Variants in COL9A1 observed in about 807,000 individuals in gnomAD.
The protein encoded by COL9A1 is collagen alpha-1(IX) chain.
Under a neutral mutation model 142.6 loss-of-function variants are expected in COL9A1, and 104 were observed. The observed-to-expected ratio is 0.73, with a 90% CI of 0.62 to 0.86. The LOEUF (loss-of-function observed/expected upper bound fraction) is 0.86, where lower values mean the gene tolerates loss of function less well. COL9A1 is among the 40% of genes least tolerant of loss of function. COL9A1 has a pLI of 0.00. For missense variants in COL9A1, 1,210 were observed against 1,176.6 expected (o/e 1.03, Z -0.42); for synonymous variants, 466 against 396.0 (o/e 1.18, Z -2.10).
intron 37 of COL9A1, among the ~76,000 whole-genome samples, chr6:70,222,592 C>A (rs1339695051): frequency 2.0e-5 from 3 of 152,158 alleles, no homozygotes; most frequent in African/African-American, 7.2e-5. Flanking sequence ...ACTGAACAAA[C>A]AGAGATACAG....
chr6:70,280,613 G>A (rs991293974), intron 10 of COL9A1, 199 bp downstream of exon 10: 2 of 1,293,070 alleles, frequency 1.5e-6, no homozygotes, highest in African/African-American at 1.5e-5. Context: ...CTAGAGAGAG[G>A]TATCCTCACC....
In COL9A1 at chr6:70,294,335, A is replaced by C. The variant is rs1273671588; in HGVS notation, c.528T>G (p.Phe176Leu). Residue 176 changes from phenylalanine (F) to leucine (L), a missense_variant, in exon 5 of 38, where the codon TTT becomes TTG. Transcript: ENST00000357250. ...TAAFSNLSSL[F>L]DSQWHKIMIG... is the part of the protein sequence containing the mutation. ...TCATGATCTTATGCCACTGGGAATC[A>C]AACAAGGAGGACAAATTCGAAAAGG... 1 of 1,614,080 alleles carries C rather than the reference A, an allele frequency of 6.2e-7. No homozygotes were observed.
chr6:70,265,500 CTT>C (rs57504613), intron 18 of COL9A1, among the ~76,000 whole-genome samples: 2,764 of 136,474 alleles, frequency 0.02, 78 homozygotes, highest in African/African-American at 0.068. Flanking sequence ...TGTGCTTGTA[CTT>C]TTTTTTTTTT....
rs754173530 is a variant in COL9A1, at chr6:70,274,073, C to G, written c.1039G>C (p.Gly347Arg). Residue 347 changes from glycine to arginine, a missense_variant, in exon 12 of 38, where the codon GGT (glycine) becomes CGT (arginine). Transcript: ENST00000357250. ...GGAAATCCACGCGATCCAGGCACAC[C>G]AGGTTCTCCCTAAAAATAAAAATAG... ...IGSKGQKGEP[G>R]VPGSRGFPGR... is the part of the protein sequence containing the mutation. The G allele has an allele frequency of 6.3e-6, 10 of 1,586,520 alleles. No homozygotes were observed. Among genetic ancestry groups the G allele is most frequent in the Non-Finnish European group, 8.6e-6 (10 of 1,164,700 alleles).
chr6:70,240,114 T>A (rs549320890), intron 32 of COL9A1, among the ~76,000 whole-genome samples: 21 of 152,186 alleles, frequency 1.4e-4, no homozygotes, highest in Non-Finnish European at 2.4e-4. Context: ...AAAACCATAA[T>A]GATGAGCCTG....
chr6:70,272,600 A>T (rs1772480044), intron 12 of COL9A1, among the ~76,000 whole-genome samples: 1 of 152,180 alleles, frequency 6.6e-6, no homozygotes, highest in Non-Finnish European at 1.5e-5. Flanking sequence ...ATATTTTCAG[A>T]CACTGAATCC....
At chr6:70,261,546 T>A (rs188480763) in intron 19 of COL9A1, among the ~76,000 whole-genome samples, 117 of 152,312 alleles carry the variant, frequency 7.7e-4, no homozygotes, top group Non-Finnish European at 1.5e-3. Flanking sequence ...TAGGCCAGCA[T>A]TTCCCTCTTC....
At chr6:70,272,568 C>T (rs1285352955) in intron 12 of COL9A1, among the ~76,000 whole-genome samples, 3 of 152,102 alleles carry the variant, frequency 2.0e-5, no homozygotes, top group Non-Finnish European at 2.9e-5. Flanking sequence ...AGAAACACAC[C>T]TCCCTTTTGA....
chr6:70,266,868 A>G, intron 17 of COL9A1, 98 bp from the exon 18 acceptor site: 2 of 962,788 alleles, frequency 2.1e-6, no homozygotes, highest in Non-Finnish European at 3.4e-6. Flanking sequence ...GTGCCAATGT[A>G]TTACTAAGAA....
At chr6:70,273,858 C>T in intron 12 of COL9A1, 189 bp downstream of exon 12, 1 of 266,490 alleles carries the variant, frequency 3.8e-6, no homozygotes, top group Non-Finnish European at 7.0e-6. Context: ...AGTAGAAATG[C>T]TTACCATACC....
In COL9A1 at chr6:70,260,683, C is replaced by T. The variant is rs143320197; in HGVS notation, c.1423G>A (p.Gly475Ser). ...TTTTCCCCTTTGTCCCCAACTATGC[C>T]GGTGATGCCTCGCAAACCCTGGGCT... ...PGAQGLRGIT[G>S]IVGDKGEKGA... The change falls in exon 20 of 38, where the codon GGC (glycine) becomes AGC (serine). Residue 475 changes from glycine (G) to serine (S), a missense_variant. Coordinates refer to ENST00000357250, the MANE Select transcript of COL9A1 (RefSeq NM_001851.6). The T allele has an allele frequency of 6.9e-5, 111 of 1,613,906 alleles. 1 individual carries two copies. In the African/African-American group the frequency reaches 8.9e-4, roughly 13 times the overall value.
At chr6:70,300,510 C>CA (rs201605016) in intron 2 of COL9A1, 124 bp from the exon 3 acceptor site, 104 of 380,928 alleles carry the variant, frequency 2.7e-4, no homozygotes, top group Admixed American at 7.4e-4. Context: ...CAATTGACCA[C>CA]AAAAAAAAGA....
At chr6:70,278,775 T>C (rs1337014682) in intron 10 of COL9A1, among the ~76,000 whole-genome samples, 1 of 152,238 alleles carries the variant, frequency 6.6e-6, no homozygotes, top group Non-Finnish European at 1.5e-5. Flanking sequence ...TGAAATTGCT[T>C]TCTATGTTGT....
chr6:70,227,447 A>AAAC (rs1769303340), intron 36 of COL9A1, among the ~76,000 whole-genome samples: 1 of 150,700 alleles, frequency 6.6e-6, no homozygotes, highest in Non-Finnish European at 1.5e-5. Context: ...AAAAAAAAAA[A>AAAC]AGGATGCTAT....
intron 1 of COL9A1, 91 bp from the exon 2 acceptor site, chr6:70,302,165 G>T: frequency 2.8e-6 from 2 of 727,052 alleles, no homozygotes; most frequent in African/African-American, 1.8e-5. Context: ...CCTAATTAAT[G>T]TAAGGTGATC....
At chr6:70,274,469 T>C (rs1367384173) in intron 11 of COL9A1, among the ~76,000 whole-genome samples, 1 of 152,304 alleles carries the variant, frequency 6.6e-6, no homozygotes, top group East Asian at 1.9e-4. Context: ...AGTATTTGGT[T>C]TTCTGTTCCT....
intron 37 of COL9A1, among the ~76,000 whole-genome samples, chr6:70,222,278 T>C (rs1334662607): frequency 6.6e-6 from 1 of 152,228 alleles, no homozygotes; most frequent in Non-Finnish European, 1.5e-5. Flanking sequence ...TGTATTAACA[T>C]GTGCATATAT....
chr6:70,280,520 C>T lies in COL9A1; in HGVS notation c.975+292G>A, dbSNP rs958431384. ...TGGCCCCAGTGGGGCTGAGAGTTCA[C>T]AGCGTGCACTGTGAGGTCACGGTTA... On this transcript the variant is annotated intron_variant, in intron 10 of 37. Coordinates refer to ENST00000357250, the MANE Select transcript of COL9A1 (RefSeq NM_001851.6). 5.1e-6 allele frequency: 7 copies of T among 1,367,398 alleles called. No individual in the cohort carries two copies. The East Asian group carries it at 2.0e-4, about 40-fold the overall frequency. The allele number at this position is 1,367,398 out of a possible 1,614,324, so 84.7% of individuals were successfully genotyped here. A position where few individuals can be genotyped will look rare whatever the true frequency, so the allele number is the denominator to read the frequency against.
Position 70,216,932 on chromosome 6 carries a change from C to A in COL9A1, c.2731G>T (p.Gly911Cys). The change falls in exon 38 of 38, where the codon GGT becomes TGT. Residue 911 changes from glycine to cysteine, a missense_variant. Gly to Cys is a radical substitution (Grantham distance 159). Coordinates refer to ENST00000357250, the MANE Select transcript of COL9A1 (RefSeq NM_001851.6). Reference protein sequence around the residue: ...CEPASCTMQAGQRAFNKGPDP With the variant: ...CEPASCTMQACQRAFNKGPDP ...GGCCCTTTGTTAAATGCTCGCTGAC[C>A]AGCCTGCATGGTGCAGGAGGCTGGC... 1 of 1,614,124 alleles carries A rather than the reference C, an allele frequency of 6.2e-7. No individual in the cohort carries two copies. The highest frequency in any genetic ancestry group is 8.5e-7 in the Non-Finnish European group (1 of 1,180,036).
Sources: gnomAD v4.1 joint callset for allele counts (sites outside exome capture counted in the v4.1 genomes callset) on GRCh38, gnomAD v4.1.1 for gene constraint, MANE v1.5 for transcripts, NCBI Gene and HGNC (gene_info 2026-07-23, HGNC 2026-07-21) for gene names.